The following CBFB variants were observed in gnomAD, a reference collection of about 807,000 sequenced individuals.
CBFB encodes CBF-beta.
CBFB carries 9 observed loss-of-function variants against 30.4 expected under a neutral mutation model. The observed-to-expected ratio is 0.30, with a 90% CI of 0.18 to 0.52. CBFB has a LOEUF of 0.52. Among genes scored for constraint, CBFB ranks in the 20% least tolerant of loss-of-function variants. The pLI is 0.97. For missense variants in CBFB, 170 were observed against 244.0 expected, an observed-to-expected ratio of 0.70 and a Z score of 2.02; for synonymous variants, 94 against 84.0, an observed-to-expected ratio of 1.12 and a Z score of -0.65.
intron 2 of CBFB, chr16:67,030,062 C>T (rs1381311024): frequency 1.1e-5 from 5 of 436,608 alleles, no homozygotes; most frequent in Non-Finnish European, 2.0e-5. Flanking sequence ...GAGCTCGAAC[C>T]CGAGCCAGAC....
At chr16:67,038,284 G>GTA (rs377342177) in intron 3 of CBFB, among the ~76,000 whole-genome samples, 8,990 of 149,000 alleles carry the variant, frequency 0.06, 296 homozygotes, top group South Asian at 0.087. Context: ...AATCTTGTGT[G>GTA]TATATATATA....
chr16:67,095,754 A>G (rs8057226), intron 5 of CBFB, among the ~76,000 whole-genome samples: 38,302 of 148,014 alleles, frequency 0.26, 10,752 homozygotes, highest in African/African-American at 0.71. Flanking sequence ...GTGCAACAGC[A>G]CAATCTCGGC....
chr16:67,040,731 T>C (rs1053910942), intron 3 of CBFB, among the ~76,000 whole-genome samples: 1 of 152,098 alleles, frequency 6.6e-6, no homozygotes, highest in African/African-American at 2.4e-5. Flanking sequence ...ACAGTACCTT[T>C]GGGAAAAAGG....
At chr16:67,061,147 A>T (rs1960899997) in intron 3 of CBFB, among the ~76,000 whole-genome samples, 2 of 152,228 alleles carry the variant, frequency 1.3e-5, no homozygotes, top group South Asian at 4.1e-4. Context: ...TTAGAGCTTG[A>T]GATGATTAAA....
chr16:67,049,269 T>C (rs1415488131), intron 3 of CBFB, among the ~76,000 whole-genome samples: 1 of 152,004 alleles, frequency 6.6e-6, no homozygotes, highest in Non-Finnish European at 1.5e-5. Context: ...AGTGGCGCAA[T>C]CTCGGCACAC....
intron 4 of CBFB, 125 bp downstream of exon 4, chr16:67,066,923 A>G (rs939994698): frequency 7.6e-6 from 4 of 525,688 alleles, no homozygotes; most frequent in East Asian, 6.2e-5. Flanking sequence ...AGCAATATTG[A>G]GGAATCCTGA....
chr16:67,049,037 T>A (rs1203234226), intron 3 of CBFB, among the ~76,000 whole-genome samples: 3 of 151,604 alleles, frequency 2.0e-5, no homozygotes, highest in African/African-American at 7.3e-5. Flanking sequence ...GTCAGGCTAG[T>A]TTTGAACTCC....
At chr16:67,031,820 GT>G (rs568596188) in intron 2 of CBFB, among the ~76,000 whole-genome samples, 49 of 144,352 alleles carry the variant, frequency 3.4e-4, no homozygotes, top group Admixed American at 2.8e-4. Flanking sequence ...GTCTTGTTTC[GT>G]TTTTTTTTTT....
At chr16:67,079,224 G>A (rs1961488852) in intron 4 of CBFB, among the ~76,000 whole-genome samples, 1 of 152,080 alleles carries the variant, frequency 6.6e-6, no homozygotes, top group Non-Finnish European at 1.5e-5. Context: ...CAACAATCTT[G>A]TTATAAAGTA....
At position 67,089,712 on chromosome 16, in the gene CBFB, G is replaced by A. The variant is rs531781925; in HGVS notation, c.495+7404G>A. Among the ~76,000 whole-genome samples, 9 of 152,234 alleles carry A rather than the reference G, an allele frequency of 5.9e-5. No homozygotes were observed. The South Asian group carries it at 1.9e-3, about 32-fold the overall frequency. The stretch of plus-strand genomic sequence containing the variant: ...GTGTTTTTACGGAACCCAGTGGGTG[G>A]CAGAACATAATGAGGACTCTGGATG... On this transcript the variant is annotated intron_variant, in intron 5 of 5. Transcript: ENST00000412916.
chr16:67,047,407 CT>C (rs1379571407), intron 3 of CBFB, among the ~76,000 whole-genome samples: 1 of 152,096 alleles, frequency 6.6e-6, no homozygotes, highest in Admixed American at 6.6e-5. Flanking sequence ...GATGAAAAAC[CT>C]TTTACCCATG....
At chr16:67,059,472 T>G (rs1024771146) in intron 3 of CBFB, among the ~76,000 whole-genome samples, 14 of 152,214 alleles carry the variant, frequency 9.2e-5, no homozygotes, top group African/African-American at 3.4e-4. Context: ...AGCAGTGGAC[T>G]TCATTAGAAA....
chr16:67,047,702 G>T (rs1966652880), intron 3 of CBFB, among the ~76,000 whole-genome samples: 1 of 151,872 alleles, frequency 6.6e-6, no homozygotes, highest in African/African-American at 2.4e-5. Flanking sequence ...TTTTTTTTAG[G>T]ATATTTATTC....
At position 67,053,859 on chromosome 16, in the gene CBFB, T is replaced by A. The variant is rs566164359; in HGVS notation, c.283-12823T>A. ...TTCTTTTATCCTTTTTTTTTTTTTTTAATTTCTTTTGTCAAAATTGATGTC... is the reference window on the plus strand; with the variant it reads ...TTCTTTTATCCTTTTTTTTTTTTTTAAATTTCTTTTGTCAAAATTGATGTC... On this transcript the variant is annotated intron_variant, in intron 3 of 5. Coordinates refer to ENST00000412916, the MANE Select transcript of CBFB (RefSeq NM_022845.3). Among the ~76,000 whole-genome samples, 749 of 150,524 alleles carry A rather than the reference T, an allele frequency of 5.0e-3. 7 individuals carry two copies. Among genetic ancestry groups the A allele is most frequent in the African/African-American group, 0.018 (719 of 40,418 alleles).
chr16:67,037,990 A>G (rs892693714), intron 3 of CBFB, among the ~76,000 whole-genome samples: 4 of 152,048 alleles, frequency 2.6e-5, no homozygotes, highest in Admixed American at 2.6e-4. Flanking sequence ...AATGAATAGC[A>G]TCTTGGATTG....
chr16:67,030,752 A>G (rs1309831728), intron 2 of CBFB, among the ~76,000 whole-genome samples: 2 of 152,064 alleles, frequency 1.3e-5, no homozygotes, highest in South Asian at 2.1e-4. Context: ...GGTGCCTGCC[A>G]CCACGCCCGG....
chr16:67,097,545 CAAAA>C (rs1416293585), intron 5 of CBFB, among the ~76,000 whole-genome samples: 1 of 48,896 alleles, frequency 2.0e-5, no homozygotes, highest in Non-Finnish European at 4.3e-5. Context: ...AACTCCGTCT[CAAAA>C]AAAAAAAAAA....
At chr16:67,089,007 A>G (rs1961808162) in intron 5 of CBFB, among the ~76,000 whole-genome samples, 1 of 152,234 alleles carries the variant, frequency 6.6e-6, no homozygotes, top group Non-Finnish European at 1.5e-5. Flanking sequence ...CACCATGTGT[A>G]AAATTTAGAA....
chr16:67,083,341 G>C (rs998755413), intron 5 of CBFB, among the ~76,000 whole-genome samples: 1 of 151,354 alleles, frequency 6.6e-6, no homozygotes, highest in East Asian at 1.9e-4. Context: ...TGTCGCCCAG[G>C]CTGGAGTACA....
Sources: gnomAD v4.1 joint callset for allele counts (sites outside exome capture counted in the v4.1 genomes callset) on GRCh38, gnomAD v4.1.1 for gene constraint, MANE v1.5 for transcripts, NCBI Gene and HGNC (gene_info 2026-07-23, HGNC 2026-07-21) for gene names.